ITPR2: variants seen among roughly 807,000 people sequenced by gnomAD.
ITPR2 encodes the protein inositol 1,4,5-trisphosphate receptor type 2.
Under a neutral mutation model 317.1 loss-of-function variants are expected in ITPR2, and 207 were observed. That is an observed-to-expected ratio of 0.65 (90% CI 0.58 to 0.73). The LOEUF is 0.73. Among genes scored for constraint, ITPR2 ranks in the 30% least tolerant of loss-of-function variants. ITPR2 has a pLI of 0.00. For synonymous variants in ITPR2, 1,156 were observed against 1,149.1 expected, an observed-to-expected ratio of 1.01 and a Z score of -0.12; for missense variants, 2,613 against 3,284.0, an observed-to-expected ratio of 0.80 and a Z score of 4.99.
chr12:26,527,286 C>T (rs537883490), intron 37 of ITPR2, among the ~76,000 whole-genome samples: 2 of 152,304 alleles, frequency 1.3e-5, no homozygotes, highest in South Asian at 4.1e-4. Flanking sequence ...ACAACTTATA[C>T]TTCTTGGTGT....
rs765490401 is a variant in ITPR2, at chr12:26,681,882, A to G, written c.1401T>C (p.Asn467=). ...CCAATTTAAAGAGTTACCTCCTTTC[A>G]TTCTGAGTTATTGTGCCGTTTTCTA... is the stretch of plus-strand genomic sequence containing the variant. ...KKLENGTITQ[N]ERRFVTKLLE... Residue 467 remains asparagine (N), a synonymous_variant, in exon 13 of 57, where the codon AAT becomes AAC. Coordinates refer to ENST00000381340, the MANE Select transcript of ITPR2 (RefSeq NM_002223.4). 11 of 1,598,534 alleles carry G rather than the reference A, an allele frequency of 6.9e-6. No individual in the cohort carries two copies. The highest frequency in any genetic ancestry group is 9.4e-6 in the Non-Finnish European group (11 of 1,169,702).
intron 34 of ITPR2, among the ~76,000 whole-genome samples, chr12:26,572,410 T>C (rs937277003): frequency 6.6e-6 from 1 of 152,222 alleles, no homozygotes; most frequent in African/African-American, 2.4e-5. Context: ...TTTGGCACGA[T>C]GTTTTTTAAC....
chr12:26,679,678 TTTTTTA>T (rs1471118576), intron 13 of ITPR2, among the ~76,000 whole-genome samples: 1 of 152,172 alleles, frequency 6.6e-6, no homozygotes, highest in Non-Finnish European at 1.5e-5. Flanking sequence ...TCTAGTTTTC[TTTTTTA>T]TTTTTATTTT....
chr12:26,524,271 G>A (rs928845827), intron 37 of ITPR2, among the ~76,000 whole-genome samples: 1 of 152,160 alleles, frequency 6.6e-6, no homozygotes, highest in African/African-American at 2.4e-5. Flanking sequence ...ACTACATAGA[G>A]TATAACCAAC....
At chr12:26,781,291 G>C (rs1034038763) in intron 2 of ITPR2, among the ~76,000 whole-genome samples, 6 of 152,202 alleles carry the variant, frequency 3.9e-5, no homozygotes, top group African/African-American at 1.4e-4. Flanking sequence ...CAGATGATCA[G>C]TTGCAAAAAC....
intron 37 of ITPR2, among the ~76,000 whole-genome samples, chr12:26,510,003 T>TGTGTGG: frequency 4.5e-5 from 1 of 22,370 alleles, no homozygotes; most frequent in East Asian, 9.0e-4. Flanking sequence ...TGTGTGTGTG[T>TGTGTGG]GGTGGGGGGT....
At chr12:26,363,589 C>CT (rs1938911301) in intron 55 of ITPR2, among the ~76,000 whole-genome samples, 1 of 152,146 alleles carries the variant, frequency 6.6e-6, no homozygotes, top group Non-Finnish European at 1.5e-5. Flanking sequence ...TTTCCAGACT[C>CT]TAAGACTTTC....
At chr12:26,603,210 T>C (rs900654326) in intron 26 of ITPR2, among the ~76,000 whole-genome samples, 2 of 152,144 alleles carry the variant, frequency 1.3e-5, no homozygotes, top group Non-Finnish European at 2.9e-5. Flanking sequence ...CATGGCATCC[T>C]TAAGAGTCAC....
At chr12:26,654,162 G>A in intron 20 of ITPR2, 36 bp from the exon 21 acceptor site, 1 of 1,498,708 alleles carries the variant, frequency 6.7e-7, no homozygotes, top group Non-Finnish European at 8.9e-7. Flanking sequence ...GGGGGAGGGT[G>A]AAAGAGTGGA....
intron 15 of ITPR2, among the ~76,000 whole-genome samples, chr12:26,661,269 T>TGGGGGGGGGGGGG (rs1332276817): frequency 1.5e-4 from 1 of 6,750 alleles, no homozygotes; most frequent in Non-Finnish European, 2.5e-4. Flanking sequence ...GGTAGGGGTG[T>TGGGGGGGGGGGGG]GTGTGTGGGG....
chr12:26,702,366 G>T (rs1948458772), intron 9 of ITPR2, among the ~76,000 whole-genome samples: 1 of 130,028 alleles, frequency 7.7e-6, no homozygotes, highest in Non-Finnish European at 1.6e-5. Context: ...TAGGTTTCTA[G>T]CATTGAGGTT....
chr12:26,451,881 A>G (rs1941750514), intron 45 of ITPR2, among the ~76,000 whole-genome samples: 1 of 152,242 alleles, frequency 6.6e-6, no homozygotes, highest in African/African-American at 2.4e-5. Context: ...TTTAGTAAGC[A>G]TGCTATCTTT....
In ITPR2 at chr12:26,337,749, G is replaced by A. The variant is rs559898147; in HGVS notation, c.*1648C>T. ...TCAGAAAAAATACTGTCATGTCAGA[G>A]TGAGGAATTCTTAGTATGAGGTGGT... On this transcript the variant is annotated 3_prime_UTR_variant, in exon 57 of 57. Transcript: ENST00000381340. 1.3e-4 allele frequency: 20 copies of A among 152,318 alleles called. 1 individual carries two copies. The highest frequency in any genetic ancestry group is 4.6e-4 in the African/African-American group (19 of 41,568). The allele number at this position is 152,318 out of a possible 1,614,324, so 9.4% of individuals were successfully genotyped here.
chr12:26,738,033 T>A, intron 2 of ITPR2, among the ~76,000 whole-genome samples: 1 of 151,894 alleles, frequency 6.6e-6, no homozygotes, highest in East Asian at 1.9e-4. Context: ...ACACATACAC[T>A]ACACAAATAG....
intron 9 of ITPR2, among the ~76,000 whole-genome samples, chr12:26,708,158 T>C (rs955595594): frequency 6.6e-6 from 1 of 152,106 alleles, no homozygotes; most frequent in Non-Finnish European, 1.5e-5. Flanking sequence ...GGAATGTAAA[T>C]TAGTGCAGCC....
chr12:26,506,226 T>C (rs752157072), intron 37 of ITPR2, among the ~76,000 whole-genome samples: 2 of 149,124 alleles, frequency 1.3e-5, no homozygotes, highest in Non-Finnish European at 3.0e-5. Context: ...AAAAAAAAAT[T>C]AGCCTGGTGT....
intron 45 of ITPR2, among the ~76,000 whole-genome samples, chr12:26,457,323 C>T (rs1941916209): frequency 6.6e-6 from 1 of 151,994 alleles, no homozygotes; most frequent in Admixed American, 6.5e-5. Flanking sequence ...GCCAGGAGGC[C>T]AGTGTGGCTT....
intron 37 of ITPR2, among the ~76,000 whole-genome samples, chr12:26,512,885 C>T (rs1369049205): frequency 2.0e-5 from 3 of 149,012 alleles, no homozygotes; most frequent in African/African-American, 2.5e-5. Flanking sequence ...TGCAGTGGCG[C>T]GATTTCGGCT....
chr12:26,595,059 C>T (rs1187270783), intron 32 of ITPR2, among the ~76,000 whole-genome samples: 2 of 152,184 alleles, frequency 1.3e-5, no homozygotes, highest in Non-Finnish European at 2.9e-5. Context: ...TGGTCAAGTA[C>T]CTATCTGCCT....
Sources: gnomAD v4.1 joint callset for allele counts (sites outside exome capture counted in the v4.1 genomes callset) on GRCh38, gnomAD v4.1.1 for gene constraint, MANE v1.5 for transcripts, NCBI Gene and HGNC (gene_info 2026-07-23, HGNC 2026-07-21) for gene names.